The following CCDC125 variants were observed in gnomAD, a reference collection of about 807,000 sequenced individuals.
The protein encoded by CCDC125 is coiled-coil domain-containing protein 125.
Under a neutral mutation model 57.4 loss-of-function variants are expected in CCDC125, and 43 were observed. The ratio of observed to expected loss-of-function variants is 0.75; its 90% CI spans 0.59 to 0.97. CCDC125 has a LOEUF of 0.97. CCDC125 is among the 50% of genes least tolerant of loss of function. CCDC125 has a pLI of 0.00. For synonymous variants in CCDC125, 187 were observed against 195.2 expected (o/e 0.96, Z 0.35); for missense variants, 563 against 595.7 (o/e 0.95, Z 0.57).
intron 8 of CCDC125, among the ~76,000 whole-genome samples, chr5:69,299,464 A>AT (rs1302217262): frequency 1.3e-5 from 2 of 151,886 alleles, no homozygotes; most frequent in African/African-American, 4.8e-5. Context: ...CTGCTCCATT[A>AT]TTTTTTTGTG....
intron 1 of CCDC125, among the ~76,000 whole-genome samples, chr5:69,327,243 C>T (rs917279643): frequency 4.0e-5 from 6 of 151,730 alleles, no homozygotes; most frequent in African/African-American, 4.8e-5. Flanking sequence ...TACAGGTGCC[C>T]GCCACCACGC....
chr5:69,307,999 C>T lies in CCDC125; in HGVS notation c.483G>A (p.Thr161=), dbSNP rs750959081. 8.1e-6 allele frequency: 13 copies of T among 1,613,896 alleles called. No individual in the cohort carries two copies. Among genetic ancestry groups the T allele is most frequent in the Admixed American group, 1.7e-5 (1 of 60,006 alleles). ...MAILGKATSH[T]QAVLQKTMEQ... is the part of the protein sequence containing the mutation. Reference sequence around the variant, plus strand: ...CCATAGTTTTTTGAAGCACTGCCTGCGTATGACTTGTGGCTTTGCCCAGTA... The same window carrying T: ...CCATAGTTTTTTGAAGCACTGCCTGTGTATGACTTGTGGCTTTGCCCAGTA... Residue 161 remains threonine (T), a synonymous_variant, in exon 5 of 12, where the codon ACG becomes ACA. Transcript: ENST00000396496.
intron 2 of CCDC125, 32 bp downstream of exon 2, chr5:69,320,205 G>A (rs902312852): frequency 6.4e-7 from 1 of 1,562,876 alleles, no homozygotes; most frequent in African/African-American, 1.4e-5. Context: ...ATGCACAGGA[G>A]AAAGAAAGGA....
chr5:69,314,114 G>A (rs923659707), intron 2 of CCDC125, 68 bp from the exon 3 acceptor site: 4 of 1,093,768 alleles, frequency 3.7e-6, no homozygotes, highest in Non-Finnish European at 5.6e-6. Flanking sequence ...TTAAACATAG[G>A]ACATTTGTTT....
intron 7 of CCDC125, among the ~76,000 whole-genome samples, chr5:69,303,121 G>C (rs1420934993): frequency 6.6e-6 from 1 of 152,204 alleles, no homozygotes; most frequent in African/African-American, 2.4e-5. Flanking sequence ...CTGGGCTCCA[G>C]CAATCCTCCC....
intron 10 of CCDC125, among the ~76,000 whole-genome samples, chr5:69,287,375 T>C (rs1753688391): frequency 6.6e-6 from 1 of 151,570 alleles, no homozygotes; most frequent in South Asian, 2.1e-4. Flanking sequence ...ACATTTCTCC[T>C]GCCTCAGCCT....
chr5:69,282,640 C>T lies in CCDC125; in HGVS notation c.*89G>A, dbSNP rs868570366. ...TTAGAAATACCTAGGAAACATACAA[C>T]TTCTCAAGATGCAGCAAAATTTACA... is the stretch of plus-strand genomic sequence containing the variant. On this transcript the variant is annotated 3_prime_UTR_variant, in exon 12 of 12. Transcript: ENST00000396496. 40 of 1,105,098 alleles carry T rather than the reference C, an allele frequency of 3.6e-5. No homozygotes were observed. Among genetic ancestry groups the T allele is most frequent in the Middle Eastern group, 6.1e-4 (2 of 3,304 alleles). The allele number at this position is 1,105,098 out of a possible 1,614,324, so 68.5% of individuals were successfully genotyped here. A position where few individuals can be genotyped will look rare whatever the true frequency, so the allele number is the denominator to read the frequency against.
At chr5:69,312,974 A>G (rs562123248) in intron 3 of CCDC125, among the ~76,000 whole-genome samples, 15 of 152,246 alleles carry the variant, frequency 9.9e-5, no homozygotes, top group African/African-American at 3.1e-4. Context: ...ACAACATTCC[A>G]TTTATATACA....
At chr5:69,297,293 G>A (rs995529708) in intron 8 of CCDC125, among the ~76,000 whole-genome samples, 11 of 151,352 alleles carry the variant, frequency 7.3e-5, no homozygotes, top group Non-Finnish European at 1.2e-4. Context: ...CACCTGCCTC[G>A]GCATCCCAAA....
rs778749074 is a variant in CCDC125, at chr5:69,313,941, G to T, written c.366+44C>A. The T allele has an allele frequency of 1.8e-5, 25 of 1,403,924 alleles. No homozygotes were observed. The African/African-American group carries it at 2.8e-4, about 16-fold the overall frequency. 87.0% of individuals were successfully genotyped at this position (1,403,924 alleles called of 1,614,324 possible). On this transcript the variant is annotated intron_variant, in intron 3 of 11. Coordinates refer to ENST00000396496, the MANE Select transcript of CCDC125 (RefSeq NM_176816.5). ...ACGAGAGCACTGCAGCCGCTGCTGGGACCCAGCTAAACTGATAATTTTTAT... is the reference window on the plus strand; with the variant it reads ...ACGAGAGCACTGCAGCCGCTGCTGGTACCCAGCTAAACTGATAATTTTTAT...
At position 69,286,226 on chromosome 5, in the gene CCDC125, AT is replaced by A. The variant is rs1561403059; in HGVS notation, c.1100-760del. Among the ~76,000 whole-genome samples the A allele has an allele frequency of 7.8e-4, 56 of 72,116 alleles. 1 individual carries two copies. Among genetic ancestry groups the A allele is most frequent in the African/African-American group, 3.2e-3 (53 of 16,794 alleles). The allele number at this position is 72,116 out of a possible 152,430, so 47.3% of individuals were successfully genotyped here. A position where few individuals can be genotyped will look rare whatever the true frequency, so the allele number is the denominator to read the frequency against. ...TATATATATATATATATATATATAT[AT>A]ATATATAATTTTTTTTTTTTTTTAG... On this transcript the variant is annotated intron_variant, in intron 10 of 11. Coordinates refer to ENST00000396496, the MANE Select transcript of CCDC125 (RefSeq NM_176816.5).
rs1484649641 is a variant in CCDC125 at position 69,282,560 on chromosome 5, CAAAA to C, written c.*165_*168del. 2 of 601,286 alleles carry C rather than the reference CAAAA, an allele frequency of 3.3e-6. No homozygotes were observed. The highest frequency in any genetic ancestry group is 3.8e-5 in the African/African-American group (2 of 52,960). The allele number at this position is 601,286 out of a possible 1,614,324, so 37.2% of individuals were successfully genotyped here. A position where few individuals can be genotyped will look rare whatever the true frequency, so the allele number is the denominator to read the frequency against. On this transcript the variant is annotated 3_prime_UTR_variant, in exon 12 of 12. Coordinates refer to ENST00000396496, the MANE Select transcript of CCDC125 (RefSeq NM_176816.5). ...TGGGTGACAGAGCAAGACTCCATCT[CAAAA>C]GAAGAAAAAGAAAATGTAGAAAATA...
chr5:69,298,308 C>T (rs2150396362), intron 8 of CCDC125, among the ~76,000 whole-genome samples: 1 of 152,320 alleles, frequency 6.6e-6, no homozygotes, highest in Non-Finnish European at 1.5e-5. Flanking sequence ...GCCACCGCGC[C>T]CGGCCCCTGT....
intron 3 of CCDC125, chr5:69,313,504 G>T: frequency 1.1e-6 from 1 of 923,322 alleles, no homozygotes; most frequent in Non-Finnish European, 1.8e-6. Flanking sequence ...CTTGTTGATG[G>T]CGTCCTTGGA....
At chr5:69,316,063 G>A (rs983051420) in intron 2 of CCDC125, among the ~76,000 whole-genome samples, 3 of 151,982 alleles carry the variant, frequency 2.0e-5, no homozygotes, top group African/African-American at 4.8e-5. Context: ...TTGCTATTCT[G>A]AAATTTCATT....
chr5:69,311,277 T>A, intron 3 of CCDC125, 73 bp from the exon 4 acceptor site: 1 of 894,428 alleles, frequency 1.1e-6, no homozygotes, highest in Non-Finnish European at 1.8e-6. Context: ...TTGGCTAGTC[T>A]ACATTTACCC....
chr5:69,326,231 C>A (rs1484906653), intron 1 of CCDC125, among the ~76,000 whole-genome samples: 1 of 152,166 alleles, frequency 6.6e-6, no homozygotes, highest in Non-Finnish European at 1.5e-5. Flanking sequence ...AAATTAACAT[C>A]AGAGTATACC....
chr5:69,324,317 C>T (rs1760454782), intron 1 of CCDC125, among the ~76,000 whole-genome samples: 1 of 152,204 alleles, frequency 6.6e-6, no homozygotes, highest in African/African-American at 2.4e-5. Context: ...GAGATTCCAC[C>T]TCACCGCACT....
chr5:69,307,492 T>C (rs576330606), intron 5 of CCDC125, among the ~76,000 whole-genome samples: 6 of 151,848 alleles, frequency 4.0e-5, no homozygotes, highest in South Asian at 2.1e-4. Flanking sequence ...ACCATTCTGG[T>C]TAACATGGTG....
Sources: gnomAD v4.1 joint callset for allele counts (sites outside exome capture counted in the v4.1 genomes callset) on GRCh38, gnomAD v4.1.1 for gene constraint, MANE v1.5 for transcripts, NCBI Gene and HGNC (gene_info 2026-07-23, HGNC 2026-07-21) for gene names.